CCDC73: variants seen among roughly 807,000 people sequenced by gnomAD.
CCDC73 encodes coiled-coil domain containing 73.
A neutral mutation model predicts 116.5 loss-of-function variants in CCDC73; 95 were observed. The ratio of observed to expected loss-of-function variants is 0.82; its 90% CI spans 0.69 to 0.97. The LOEUF is 0.97. Among genes scored for constraint, CCDC73 ranks in the 50% least tolerant of loss-of-function variants. CCDC73 has a pLI of 0.00. For synonymous variants in CCDC73, 398 were observed against 401.3 expected, an observed-to-expected ratio of 0.99 and a Z score of 0.10; for missense variants, 1,066 against 1,206.8, an observed-to-expected ratio of 0.88 and a Z score of 1.73.
intron 2 of CCDC73, among the ~76,000 whole-genome samples, chr11:32,737,137 T>C (rs1266178273): frequency 6.6e-6 from 1 of 151,750 alleles, no homozygotes; most frequent in African/African-American, 2.4e-5. Context: ...GATTCAATCA[T>C]CCAATTCTGC....
chr11:32,804,244 T>C, the CCDC73 span, among the ~76,000 whole-genome samples: 1 of 152,208 alleles, frequency 6.6e-6, no homozygotes, highest in African/African-American at 2.4e-5. Context: ...GATCAAGTGA[T>C]TATCCTGCCT....
chr11:32,609,167 G>A (rs1855390590), intron 17 of CCDC73, among the ~76,000 whole-genome samples: 1 of 152,124 alleles, frequency 6.6e-6, no homozygotes, highest in South Asian at 2.1e-4. Flanking sequence ...CTCAGAAAAT[G>A]GGATTTTCTT....
At chr11:32,728,700 G>GTTTGT (rs199771218) in intron 2 of CCDC73, among the ~76,000 whole-genome samples, 32 of 149,468 alleles carry the variant, frequency 2.1e-4, no homozygotes, top group African/African-American at 6.8e-4. Flanking sequence ...ATTCTGTTTT[G>GTTTGT]TTTGTTTTGT....
At chr11:32,721,849 G>A (rs1276478665) in intron 2 of CCDC73, among the ~76,000 whole-genome samples, 3 of 151,930 alleles carry the variant, frequency 2.0e-5, no homozygotes, top group African/African-American at 4.8e-5. Context: ...TGCTCGCCTC[G>A]GCCTCCCAAA....
intron 1 of CCDC73, among the ~76,000 whole-genome samples, chr11:32,763,450 T>C (rs1041698616): frequency 3.9e-5 from 6 of 152,228 alleles, no homozygotes; most frequent in Admixed American, 3.9e-4. Context: ...TATTCGCTGT[T>C]CTGCAGCCTC....
At chr11:32,743,982 T>C (rs917210032) in intron 2 of CCDC73, among the ~76,000 whole-genome samples, 2 of 152,242 alleles carry the variant, frequency 1.3e-5, no homozygotes, top group East Asian at 1.9e-4. Context: ...CCTTGTCTTA[T>C]GCCAGTTTTC....
intron 1 of CCDC73, among the ~76,000 whole-genome samples, chr11:32,785,004 T>A (rs1378525876): frequency 1.3e-5 from 2 of 152,024 alleles, no homozygotes; most frequent in African/African-American, 4.8e-5. Flanking sequence ...TGAAACCCCA[T>A]CTCTACTAAA....
chr11:32,783,450 AG>A (rs1590646052), intron 1 of CCDC73, among the ~76,000 whole-genome samples: 2 of 152,188 alleles, frequency 1.3e-5, no homozygotes, highest in Admixed American at 1.3e-4. Context: ...TAATCTGTTC[AG>A]ATGACTATAA....
intron 2 of CCDC73, among the ~76,000 whole-genome samples, chr11:32,735,795 C>A: frequency 6.6e-6 from 1 of 152,296 alleles, no homozygotes; most frequent in African/African-American, 2.4e-5. Context: ...CAGCATGGTA[C>A]TGGTACCAAA....
the CCDC73 span, chr11:32,830,530 A>G: frequency 6.4e-7 from 1 of 1,570,474 alleles, no homozygotes; most frequent in East Asian, 2.3e-5. Flanking sequence ...TTGCCAGACT[A>G]TGTTTACGCT....
chr11:32,770,956 A>C (rs1288953926), intron 1 of CCDC73, among the ~76,000 whole-genome samples: 1 of 152,232 alleles, frequency 6.6e-6, no homozygotes, highest in East Asian at 1.9e-4. Flanking sequence ...AACACAGGTA[A>C]GAATGTTAAG....
intron 3 of CCDC73, among the ~76,000 whole-genome samples, chr11:32,707,736 A>AT (rs1484078328): frequency 6.6e-6 from 1 of 152,130 alleles, no homozygotes; most frequent in East Asian, 1.9e-4. Context: ...CAAGGGGGTA[A>AT]ATGTATCACT....
chr11:32,603,145 T>C (rs1479117217), intron 17 of CCDC73, 125 bp from the exon 18 acceptor site: 4 of 690,972 alleles, frequency 5.8e-6, no homozygotes, highest in Non-Finnish European at 9.4e-6. Context: ...TCCACTACCT[T>C]AGTAGTTCTG....
At chr11:32,766,752 C>A (rs1402217284) in intron 1 of CCDC73, among the ~76,000 whole-genome samples, 38 of 152,126 alleles carry the variant, frequency 2.5e-4, no homozygotes, top group Non-Finnish European at 1.0e-4. Flanking sequence ...ACCTAGGAAT[C>A]CAACTTACAA....
intron 1 of CCDC73, among the ~76,000 whole-genome samples, chr11:32,776,936 AATAT>A (rs1169476616): frequency 1.9e-4 from 7 of 36,472 alleles, no homozygotes; most frequent in East Asian, 2.4e-3. Context: ...AAAAAAAAAA[AATAT>A]ATATATATAT....
chr11:32,636,449 A>AG (rs1186073312), intron 13 of CCDC73, among the ~76,000 whole-genome samples: 3 of 152,090 alleles, frequency 2.0e-5, no homozygotes, highest in Non-Finnish European at 4.4e-5. Flanking sequence ...AATTTCATAA[A>AG]CTTGATTTTG....
At chr11:32,708,029 T>C (rs900832586) in intron 3 of CCDC73, among the ~76,000 whole-genome samples, 1 of 152,218 alleles carries the variant, frequency 6.6e-6, no homozygotes, top group African/African-American at 2.4e-5. Flanking sequence ...AGAATTTGTA[T>C]GGCTTCAGGT....
intron 2 of CCDC73, among the ~76,000 whole-genome samples, chr11:32,750,623 AC>A (rs1850280239): frequency 6.6e-6 from 1 of 152,072 alleles, no homozygotes; most frequent in African/African-American, 2.4e-5. Context: ...GGCCACCACC[AC>A]CACAGCCAAC....
intron 1 of CCDC73, among the ~76,000 whole-genome samples, chr11:32,774,234 G>C (rs1850513689): frequency 7.0e-6 from 1 of 142,290 alleles, no homozygotes; most frequent in Admixed American, 7.4e-5. Flanking sequence ...TTTTCAACAA[G>C]TCTCCCTTTT....
Sources: allele counts gnomAD v4.1 joint callset (sites outside exome capture counted in the v4.1 genomes callset), GRCh38; gene constraint gnomAD v4.1.1; transcripts MANE v1.5; gene names NCBI Gene and HGNC (gene_info 2026-07-23, HGNC 2026-07-21).